The following FHIT variants were observed in gnomAD, a reference collection of about 807,000 sequenced individuals.
The protein encoded by FHIT is bis(5'-adenosyl)-triphosphatase.
Under a neutral mutation model 17.9 loss-of-function variants are expected in FHIT, and 19 were observed. The ratio of observed to expected loss-of-function variants is 1.06; its 90% CI spans 0.74 to 1.56. The LOEUF is 1.56. Ranked by LOEUF, FHIT falls within the 40% of genes most tolerant of loss-of-function variation. FHIT has a pLI of 0.00. For synonymous variants in FHIT, 81 were observed against 69.7 expected (o/e 1.16, Z -0.81); for missense variants, 248 against 189.2 (o/e 1.31, Z -1.82).
intron 5 of FHIT, among the ~76,000 whole-genome samples, chr3:60,372,953 A>C (rs1450508644): frequency 6.6e-6 from 1 of 152,222 alleles, no homozygotes; most frequent in African/African-American, 2.4e-5. Context: ...GTGTGTTCAT[A>C]ATCAAATGAA....
At chr3:59,836,293 C>G (rs1403046427) in intron 8 of FHIT, among the ~76,000 whole-genome samples, 1 of 152,174 alleles carries the variant, frequency 6.6e-6, no homozygotes, top group Non-Finnish European at 1.5e-5. Context: ...GCATTCTTAT[C>G]CTTTGTGACT....
intron 2 of FHIT, among the ~76,000 whole-genome samples, chr3:61,142,729 C>G (rs1047042229): frequency 1.6e-4 from 24 of 152,182 alleles, no homozygotes; most frequent in African/African-American, 5.3e-4. Flanking sequence ...ATTAGGACCT[C>G]TTAAGCCATG....
At chr3:60,354,389 G>C (rs927291911) in intron 5 of FHIT, among the ~76,000 whole-genome samples, 2 of 151,950 alleles carry the variant, frequency 1.3e-5, no homozygotes, top group African/African-American at 4.8e-5. Flanking sequence ...GGATTTGAAG[G>C]CATACATTCC....
intron 8 of FHIT, among the ~76,000 whole-genome samples, chr3:59,882,419 A>C (rs1284308803): frequency 1.3e-5 from 2 of 152,180 alleles, no homozygotes; most frequent in African/African-American, 4.8e-5. Flanking sequence ...AGAGATCGTT[A>C]TAGCACCTTG....
intron 3 of FHIT, among the ~76,000 whole-genome samples, chr3:60,978,357 G>A (rs934744353): frequency 1.3e-5 from 2 of 152,162 alleles, no homozygotes; most frequent in African/African-American, 4.8e-5. Context: ...CCGATTATGG[G>A]GTGGAGCCTC....
At chr3:60,146,148 T>C (rs566215332) in intron 5 of FHIT, among the ~76,000 whole-genome samples, 2 of 151,244 alleles carry the variant, frequency 1.3e-5, no homozygotes, top group South Asian at 4.2e-4. Context: ...GAGAGGAGGG[T>C]GGAATAGAGG....
chr3:60,078,642 A>C (rs999882044), intron 5 of FHIT, among the ~76,000 whole-genome samples: 1 of 152,146 alleles, frequency 6.6e-6, no homozygotes, highest in African/African-American at 2.4e-5. Context: ...ATCAAGGTTA[A>C]TTTCCTGGTT....
intron 2 of FHIT, among the ~76,000 whole-genome samples, chr3:61,168,951 A>T (rs2037919041): frequency 1.3e-5 from 2 of 150,308 alleles, no homozygotes; most frequent in African/African-American, 2.4e-5. Context: ...ACACATATTG[A>T]TCTCTATGTC....
At chr3:61,229,684 T>C (rs929414402) in intron 1 of FHIT, among the ~76,000 whole-genome samples, 34 of 152,160 alleles carry the variant, frequency 2.2e-4, no homozygotes, top group Non-Finnish European at 1.5e-5. Context: ...GCACAGGGCC[T>C]AGAACAAAGT....
intron 5 of FHIT, among the ~76,000 whole-genome samples, chr3:60,522,318 C>T (rs751505821): frequency 6.6e-6 from 1 of 152,086 alleles, no homozygotes; most frequent in Non-Finnish European, 1.5e-5. Context: ...ACCATGTTGG[C>T]CAGGCTGGTT....
chr3:60,107,939 A>G (rs1240102125), intron 5 of FHIT, among the ~76,000 whole-genome samples: 2 of 152,208 alleles, frequency 1.3e-5, no homozygotes, highest in Non-Finnish European at 2.9e-5. Context: ...GACCAGATTT[A>G]ATCATTTAAT....
At chr3:60,708,358 G>C (rs1194913284) in intron 4 of FHIT, among the ~76,000 whole-genome samples, 1 of 152,134 alleles carries the variant, frequency 6.6e-6, no homozygotes, top group African/African-American at 2.4e-5. Flanking sequence ...CCTACCAAAA[G>C]CACATTCATT....
intron 4 of FHIT, among the ~76,000 whole-genome samples, chr3:60,572,051 C>T (rs2037403065): frequency 2.0e-5 from 3 of 151,258 alleles, no homozygotes; most frequent in Non-Finnish European, 2.9e-5. Flanking sequence ...GAAGATTTAA[C>T]AGGCATTACT....
chr3:60,387,123 G>C (rs1701044039), intron 5 of FHIT, among the ~76,000 whole-genome samples: 1 of 151,124 alleles, frequency 6.6e-6, no homozygotes, highest in African/African-American at 2.4e-5. Context: ...GAGTAGCTGG[G>C]ATTACAGGTG....
chr3:60,691,137 G>GT (rs58456619), intron 4 of FHIT, among the ~76,000 whole-genome samples: 15,526 of 151,888 alleles, frequency 0.1, 1,644 homozygotes, highest in African/African-American at 0.27. Flanking sequence ...ATCGGGTTTT[G>GT]TTTTTGTTTG....
chr3:60,169,491 ATTG>A (rs1282749745), intron 5 of FHIT, among the ~76,000 whole-genome samples: 3 of 152,204 alleles, frequency 2.0e-5, no homozygotes, highest in African/African-American at 7.2e-5. Context: ...TTTGGTGATA[ATTG>A]TTGTTTTAAA....
intron 3 of FHIT, among the ~76,000 whole-genome samples, chr3:60,922,227 A>C (rs2121845): frequency 6.6e-6 from 1 of 152,058 alleles, no homozygotes; most frequent in Non-Finnish European, 1.5e-5. Flanking sequence ...AAGGGAGGTA[A>C]TTATTCCCGA....
At chr3:60,292,008 C>T (rs1481438349) in intron 5 of FHIT, among the ~76,000 whole-genome samples, 2 of 152,162 alleles carry the variant, frequency 1.3e-5, no homozygotes, top group Non-Finnish European at 2.9e-5. Context: ...TTTAAGCCAC[C>T]AAGTTTGTGA....
chr3:59,969,667 C>T (rs1708088965), intron 7 of FHIT, among the ~76,000 whole-genome samples: 2 of 152,078 alleles, frequency 1.3e-5, no homozygotes, highest in Admixed American at 1.3e-4. Context: ...GTATTAGATA[C>T]ATTTTGTTAA....
Sources: allele counts gnomAD v4.1 joint callset (sites outside exome capture counted in the v4.1 genomes callset), GRCh38; gene constraint gnomAD v4.1.1; transcripts MANE v1.5; gene names NCBI Gene and HGNC (gene_info 2026-07-23, HGNC 2026-07-21).